FMN1: variants seen among roughly 807,000 people sequenced by gnomAD.
The protein encoded by FMN1 is formin 1.
In FMN1, 110 loss-of-function variants were observed where a neutral mutation model predicts 132.4. That is an observed-to-expected ratio of 0.83 (90% CI 0.71 to 0.97). FMN1 has a LOEUF of 0.97. FMN1 is among the 50% of genes least tolerant of loss of function. The pLI, the probability that FMN1 is intolerant of heterozygous loss-of-function variation, is 0.00. For missense variants in FMN1, 1,792 were observed against 1,705.3 expected (o/e 1.05, Z -0.90); for synonymous variants, 722 against 651.7 (o/e 1.11, Z -1.64).
chr15:32,968,564 A>T, intron 8 of FMN1, 150 bp downstream of exon 8: 1 of 1,219,894 alleles, frequency 8.2e-7, no homozygotes, highest in Non-Finnish European at 1.1e-6. Context: ...ATCTCCCCAA[A>T]CATCCCAACA....
At chr15:32,819,499 A>T (rs2058151065) in intron 17 of FMN1, among the ~76,000 whole-genome samples, 1 of 152,176 alleles carries the variant, frequency 6.6e-6, no homozygotes, top group South Asian at 2.1e-4. Flanking sequence ...TGGAGTGAAC[A>T]TTTTATACCT....
chr15:33,112,271 A>C (rs186423910), intron 4 of FMN1, among the ~76,000 whole-genome samples: 4 of 140,202 alleles, frequency 2.9e-5, no homozygotes, highest in Admixed American at 7.6e-5. Flanking sequence ...GTTTGAAATA[A>C]TGTTAGGTGG....
intron 16 of FMN1, among the ~76,000 whole-genome samples, chr15:32,887,184 A>C (rs2059915705): frequency 6.6e-6 from 1 of 152,094 alleles, no homozygotes; most frequent in Non-Finnish European, 1.5e-5. Flanking sequence ...TAGGTTTCTG[A>C]GTACTCTTTC....
At chr15:32,840,644 G>A (rs2058726075) in intron 17 of FMN1, among the ~76,000 whole-genome samples, 1 of 152,210 alleles carries the variant, frequency 6.6e-6, no homozygotes, top group Non-Finnish European at 1.5e-5. Flanking sequence ...AGGAGGCAAA[G>A]ATGAGGACAG....
chr15:32,992,807 A>G (rs2033519498), intron 7 of FMN1, among the ~76,000 whole-genome samples: 1 of 152,184 alleles, frequency 6.6e-6, no homozygotes. Flanking sequence ...CATAACAATC[A>G]ATAGTGGGTC....
intron 6 of FMN1, among the ~76,000 whole-genome samples, chr15:33,032,717 G>C (rs1182796596): frequency 1.3e-5 from 2 of 152,178 alleles, no homozygotes; most frequent in East Asian, 1.9e-4. Flanking sequence ...TTTACAGACA[G>C]ATCATGACTA....
intron 17 of FMN1, among the ~76,000 whole-genome samples, chr15:32,807,520 A>G (rs766384116): frequency 9.2e-5 from 14 of 152,206 alleles, no homozygotes; most frequent in Non-Finnish European, 1.3e-4. Context: ...AATTCCTCTG[A>G]GGCCCGAGTG....
At chr15:32,944,308 T>C (rs1022506277) in intron 9 of FMN1, among the ~76,000 whole-genome samples, 2 of 152,226 alleles carry the variant, frequency 1.3e-5, no homozygotes, top group African/African-American at 4.8e-5. Flanking sequence ...TGGCTGGCTG[T>C]GTAGTGCCAT....
At chr15:33,072,314 T>C (rs1260484104) in intron 5 of FMN1, among the ~76,000 whole-genome samples, 1 of 152,118 alleles carries the variant, frequency 6.6e-6, no homozygotes, top group East Asian at 1.9e-4. Context: ...CTTTTCAACT[T>C]TTCCTGTAAG....
intron 9 of FMN1, among the ~76,000 whole-genome samples, chr15:32,955,310 G>A (rs1177961317): frequency 1.3e-5 from 2 of 152,206 alleles, no homozygotes; most frequent in African/African-American, 4.8e-5. Context: ...GGCATGTGCA[G>A]GGGCTGTTCT....
At chr15:32,988,970 C>T (rs1242632811) in intron 7 of FMN1, among the ~76,000 whole-genome samples, 1 of 152,158 alleles carries the variant, frequency 6.6e-6, no homozygotes. Flanking sequence ...ACATTTAAGA[C>T]AGTCAGAAAC....
chr15:32,810,768 T>C, intron 17 of FMN1: 1 of 222,810 alleles, frequency 4.5e-6, no homozygotes, highest in Non-Finnish European at 9.2e-6. Context: ...AGGCAGTAAA[T>C]TGTGAAATAA....
chr15:32,992,022 C>G (rs1319250132), intron 7 of FMN1, among the ~76,000 whole-genome samples: 1 of 152,084 alleles, frequency 6.6e-6, no homozygotes, highest in Non-Finnish European at 1.5e-5. Flanking sequence ...GGATTCAAGC[C>G]CTTTGATCCT....
chr15:32,884,672 A>G (rs974808204), intron 16 of FMN1, among the ~76,000 whole-genome samples: 4 of 152,232 alleles, frequency 2.6e-5, no homozygotes, highest in African/African-American at 9.6e-5. Context: ...AAGAGGGAGA[A>G]TGAAAGTAAC....
intron 6 of FMN1, among the ~76,000 whole-genome samples, chr15:33,053,481 C>A (rs11854912): frequency 7.2e-5 from 11 of 152,130 alleles, no homozygotes; most frequent in African/African-American, 2.2e-4. Context: ...AGACGGGGTG[C>A]CCCTGCTGCA....
At chr15:33,063,498 C>G (rs1176815626) in intron 6 of FMN1, 1 of 152,354 alleles carries the variant, frequency 6.6e-6, no homozygotes, top group Non-Finnish European at 1.5e-5. Flanking sequence ...CGCTCTCTTA[C>G]TGCTTTTTCT....
rs374980152 is a variant in FMN1, at chr15:32,964,016, TACACAC to T, written c.3138+85_3138+90del. ...GGTATGTGTGTGTGTGTATATACGA[TACACAC>T]ACACACACACACACACACACACACA... On this transcript the variant is annotated intron_variant, in intron 9 of 20. Transcript: ENST00000616417. 2.8e-3 allele frequency: 1,436 copies of T among 508,282 alleles called. 5 individuals are homozygous for T. The highest frequency in any genetic ancestry group is 0.01 in the African/African-American group (490 of 48,332). 31.5% of individuals were successfully genotyped at this position (508,282 alleles called of 1,614,324 possible).
At chr15:32,898,998 C>G in intron 14 of FMN1, 105 bp from the exon 15 acceptor site, 1 of 765,844 alleles carries the variant, frequency 1.3e-6, no homozygotes, top group East Asian at 2.5e-5. Context: ...TTCGTGAAAA[C>G]TGGCTTTCTC....
chr15:33,027,073 AT>A lies in FMN1; in HGVS notation c.2162-18999del, dbSNP rs888425582. ...AAAGACAAGAAAGCCTAACAGACAT[AT>A]TTTTTTTTTAATGCAAAAGTTTGGA... is the stretch of plus-strand genomic sequence containing the variant. On this transcript the variant is annotated intron_variant, in intron 6 of 20. Coordinates refer to ENST00000616417, the MANE Select transcript of FMN1 (RefSeq NM_001277313.2). 4.7e-3 allele frequency among the ~76,000 whole-genome samples: 696 copies of A among 148,330 alleles called. 5 individuals are homozygous for A. Among genetic ancestry groups the A allele is most frequent in the African/African-American group, 0.014 (554 of 40,726 alleles).
Sources: allele counts gnomAD v4.1 joint callset (sites outside exome capture counted in the v4.1 genomes callset), GRCh38; gene constraint gnomAD v4.1.1; transcripts MANE v1.5; gene names NCBI Gene and HGNC (gene_info 2026-07-23, HGNC 2026-07-21).